RAB4B: variants seen among roughly 807,000 people sequenced by gnomAD.
The protein encoded by RAB4B is ras-related protein Rab-4B.
Under a neutral mutation model 28.3 loss-of-function variants are expected in RAB4B, and 15 were observed. The ratio of observed to expected loss-of-function variants is 0.53; its 90% CI spans 0.35 to 0.82. The LOEUF is 0.82. Ranked by LOEUF, RAB4B falls within the 40% of genes least tolerant of loss-of-function variation. The pLI is 0.01. For missense variants in RAB4B, 244 were observed against 288.5 expected, an observed-to-expected ratio of 0.85 and a Z score of 1.12; for synonymous variants, 108 against 116.3, an observed-to-expected ratio of 0.93 and a Z score of 0.46.
Position 40,789,236 on chromosome 19 carries a change from CTT to C in RAB4B, c.*15+2259_*15+2260del, listed in dbSNP as rs1173310897. ...TTTTTTTCTGAGATGGAGTTTCACT[CTT>C]GTTGCCCAGGCTGGAGTGCAATGGC... is the stretch of plus-strand genomic sequence containing the variant. On this transcript the variant is annotated intron_variant, in intron 7 of 7. Coordinates refer to ENST00000357052, the MANE Select transcript of RAB4B (RefSeq NM_016154.5). Among the ~76,000 whole-genome samples, 9 of 150,972 alleles carry C rather than the reference CTT, an allele frequency of 6.0e-5. No individual in the cohort carries two copies. In the East Asian group the frequency reaches 1.8e-3, roughly 30 times the overall value.
chr19:40,792,803 C>T (rs2083171112), intron 7 of RAB4B, among the ~76,000 whole-genome samples: 1 of 151,782 alleles, frequency 6.6e-6, no homozygotes, highest in African/African-American at 2.4e-5. Context: ...TTTTTGGAGA[C>T]AGAGTCTCGC....
chr19:40,782,378 A>G (rs2083057350), intron 3 of RAB4B, among the ~76,000 whole-genome samples: 1 of 152,120 alleles, frequency 6.6e-6, no homozygotes. Context: ...CAGATGTTGT[A>G]TAGTGCTTGG....
chr19:40,779,854 A>T (rs1279527497), intron 1 of RAB4B, 165 bp from the exon 2 acceptor site: 1 of 1,480,864 alleles, frequency 6.8e-7, no homozygotes, highest in Middle Eastern at 1.8e-4. Flanking sequence ...CAAGTACTAC[A>T]TAAGAGTTAT....
chr19:40,793,482 C>T (rs1260291669), intron 7 of RAB4B, among the ~76,000 whole-genome samples: 1 of 151,798 alleles, frequency 6.6e-6, no homozygotes, highest in Non-Finnish European at 1.5e-5. Flanking sequence ...CTCAAGTGAT[C>T]CACCCACCTC....
At position 40,786,715 on chromosome 19, in the gene RAB4B, G is replaced by T. The variant is rs1213191971; in HGVS notation, c.481G>T (p.Ala161Ser). 1 of 1,613,980 alleles carries T rather than the reference G, an allele frequency of 6.2e-7. No homozygotes were observed. Among genetic ancestry groups the T allele is most frequent in the Non-Finnish European group, 8.5e-7 (1 of 1,179,996 alleles). Residue 161 changes from alanine to serine, a missense_variant, in exon 6 of 8, where the codon GCG becomes TCG. Transcript: ENST00000357052. ...SALTGENVEE[A>S]FLKCARTILN... ...TCTCACAGGCGAGAACGTGGAGGAGGCGTTCCTCAAGTGTGCCCGCACTAT... is the reference window on the plus strand; with the variant it reads ...TCTCACAGGCGAGAACGTGGAGGAGTCGTTCCTCAAGTGTGCCCGCACTAT...
intron 5 of RAB4B, 82 bp from the exon 6 acceptor site, chr19:40,786,583 C>A: frequency 6.3e-7 from 1 of 1,579,816 alleles, no homozygotes; most frequent in South Asian, 1.2e-5. Context: ...ATTGGAGGAA[C>A]AGGATGAGAG....
chr19:40,795,983 A>G (rs2083206279), intron 7 of RAB4B, among the ~76,000 whole-genome samples: 2 of 152,320 alleles, frequency 1.3e-5, no homozygotes, highest in South Asian at 4.1e-4. Flanking sequence ...CTGGGATTAC[A>G]GGCATGAGCC....
intron 1 of RAB4B, chr19:40,779,783 G>GT: frequency 9.3e-7 from 1 of 1,074,142 alleles, no homozygotes; most frequent in Non-Finnish European, 1.2e-6. Flanking sequence ...CCCTGCACAT[G>GT]TACTCCCTGA....
chr19:40,795,169 CAAAAAAA>C (rs1167818145), intron 7 of RAB4B, among the ~76,000 whole-genome samples: 2 of 60,372 alleles, frequency 3.3e-5, no homozygotes, highest in African/African-American at 1.3e-4. Context: ...GCTCCATCTC[CAAAAAAA>C]AAAAAAAAAA....
At chr19:40,778,429 GC>G in intron 1 of RAB4B, 38 bp downstream of exon 1, 1 of 1,424,310 alleles carries the variant, frequency 7.0e-7, no homozygotes, top group Non-Finnish European at 9.2e-7. Flanking sequence ...CTGGGTCTGG[GC>G]CCAGGGAGGA....
chr19:40,784,503 A>AACG (rs1043284250), intron 5 of RAB4B, among the ~76,000 whole-genome samples: 16 of 151,750 alleles, frequency 1.1e-4, no homozygotes, highest in African/African-American at 3.6e-4. Context: ...CAAAAACAAC[A>AACG]ACAACAACAA....
chr19:40,785,055 C>T (rs56891752), intron 5 of RAB4B, among the ~76,000 whole-genome samples: 12,707 of 151,828 alleles, frequency 0.084, 742 homozygotes, highest in East Asian at 0.2. Context: ...CCTTGTGATC[C>T]GACTGCCTCG....
At chr19:40,795,030 G>C (rs546692434) in intron 7 of RAB4B, among the ~76,000 whole-genome samples, 5 of 150,740 alleles carry the variant, frequency 3.3e-5, no homozygotes, top group African/African-American at 9.7e-5. Flanking sequence ...TTAGCCAGGC[G>C]TGGTGGCAAG....
chr19:40,779,826 A>G lies in RAB4B; in HGVS notation c.17-193A>G, dbSNP rs113559001. On this transcript the variant is annotated intron_variant, in intron 1 of 7. Coordinates refer to ENST00000357052, the MANE Select transcript of RAB4B (RefSeq NM_016154.5). Reference sequence around the variant, plus strand: ...ATAAAAGTTGAAAAAAAATATATAGAATGTGCCTGGCACATGGCAAGTACT... The same window carrying G: ...ATAAAAGTTGAAAAAAAATATATAGGATGTGCCTGGCACATGGCAAGTACT... 3 of 1,337,970 alleles carry G rather than the reference A, an allele frequency of 2.2e-6. No individual in the cohort carries two copies. In the Admixed American group the frequency reaches 9.5e-5, roughly 42 times the overall value. 82.9% of individuals were successfully genotyped at this position (1,337,970 alleles called of 1,614,324 possible).
rs774153293 is a variant in RAB4B, at chr19:40,786,990, G to C, written c.*15+12G>C. ...CTCTGTGGAGCCAGGTGGGACACTG[G>C]GGGCTTTAGGGAGGCAGGGCGGCCT... is the stretch of plus-strand genomic sequence containing the variant. On this transcript the variant is annotated intron_variant, in intron 7 of 7. Transcript: ENST00000357052. The C allele has an allele frequency of 6.2e-6, 10 of 1,607,314 alleles. No individual in the cohort carries two copies. Among genetic ancestry groups the C allele is most frequent in the South Asian group, 1.1e-5 (1 of 90,830 alleles).
chr19:40,789,678 A>ATT (rs1599747632), intron 7 of RAB4B, among the ~76,000 whole-genome samples: 1 of 149,618 alleles, frequency 6.7e-6, no homozygotes, highest in East Asian at 2.0e-4. Context: ...TAATTTTTGT[A>ATT]TTTTTAGTAG....
rs569963547 is a variant in RAB4B, at chr19:40,781,418, T to C, written c.212+919T>C. Among the ~76,000 whole-genome samples, 27 of 151,266 alleles carry C rather than the reference T, an allele frequency of 1.8e-4. No individual in the cohort carries two copies. The South Asian group carries it at 4.0e-3, about 22-fold the overall frequency. ...GACAGGGTGAGTCAGACAGGTGTAG[T>C]TGGACGTTGAATGAATGAATGCACG... is the stretch of plus-strand genomic sequence containing the variant. On this transcript the variant is annotated intron_variant, in intron 3 of 7. Transcript: ENST00000357052.
intron 7 of RAB4B, chr19:40,796,320 G>T (rs1224027958): frequency 6.6e-6 from 1 of 152,248 alleles, no homozygotes; most frequent in Non-Finnish European, 1.5e-5. Context: ...ATATTTAGAT[G>T]TTGAAATGTG....
intron 5 of RAB4B, among the ~76,000 whole-genome samples, chr19:40,784,455 T>C (rs1465589082): frequency 6.6e-6 from 1 of 152,116 alleles, no homozygotes; most frequent in African/African-American, 2.4e-5. Flanking sequence ...ATCACGCCAT[T>C]GTACTCCAGT....
Sources: gnomAD v4.1 joint callset for allele counts (sites outside exome capture counted in the v4.1 genomes callset) on GRCh38, gnomAD v4.1.1 for gene constraint, MANE v1.5 for transcripts, NCBI Gene and HGNC (gene_info 2026-07-23, HGNC 2026-07-21) for gene names.